The following KALRN variants were observed in gnomAD, a reference collection of about 807,000 sequenced individuals.
KALRN encodes kalirin RhoGEF kinase, also known as kalirin.
In KALRN, 70 loss-of-function variants were observed where a neutral mutation model predicts 353.7. That is an observed-to-expected ratio of 0.20 (90% CI 0.16 to 0.24). The LOEUF is 0.24. Among genes scored for constraint, KALRN ranks in the 10% least tolerant of loss-of-function variants. KALRN has a pLI of 1.00. For missense variants in KALRN, 2,791 were observed against 3,756.7 expected (o/e 0.74, Z 6.72); for synonymous variants, 1,391 against 1,434.8 (o/e 0.97, Z 0.69).
chr3:124,624,506 G>A (rs942577624), intron 34 of KALRN, among the ~76,000 whole-genome samples: 2 of 152,198 alleles, frequency 1.3e-5, no homozygotes. Flanking sequence ...GGATAAGGGG[G>A]AGATTACTGT....
At chr3:124,583,603 C>T (rs1244364121) in intron 34 of KALRN, among the ~76,000 whole-genome samples, 1 of 152,102 alleles carries the variant, frequency 6.6e-6, no homozygotes, top group East Asian at 1.9e-4. Context: ...TAAACTTCAC[C>T]TCTGTAACAG....
At chr3:124,187,034 G>A (rs1475537584) in intron 1 of KALRN, among the ~76,000 whole-genome samples, 4 of 152,180 alleles carry the variant, frequency 2.6e-5, no homozygotes. Flanking sequence ...CTTGCTGAAA[G>A]ACACAGTAAT....
At chr3:124,373,455 G>A (rs1246252412) in intron 10 of KALRN, among the ~76,000 whole-genome samples, 1 of 152,198 alleles carries the variant, frequency 6.6e-6, no homozygotes, top group Non-Finnish European at 1.5e-5. Context: ...CTGTAACAAA[G>A]TACCACAATC....
chr3:124,646,539 T>C (rs1328344831), intron 37 of KALRN, among the ~76,000 whole-genome samples: 1 of 151,682 alleles, frequency 6.6e-6, no homozygotes, highest in African/African-American at 2.4e-5. Flanking sequence ...TACAGGCATG[T>C]GCCACCACAT....
intron 54 of KALRN, among the ~76,000 whole-genome samples, chr3:124,697,339 A>G (rs16845650): frequency 0.09 from 13,720 of 152,186 alleles, 987 homozygotes; most frequent in East Asian, 0.32. Flanking sequence ...CCATAAACCT[A>G]CCATCAACAT....
intron 33 of KALRN, chr3:124,518,653 G>A: frequency 1.4e-6 from 2 of 1,449,806 alleles, no homozygotes; most frequent in South Asian, 2.9e-5. Flanking sequence ...CTCACCCTCG[G>A]GGCTCCCTTC....
At chr3:124,248,649 A>G (rs1039043828) in intron 3 of KALRN, among the ~76,000 whole-genome samples, 1 of 152,234 alleles carries the variant, frequency 6.6e-6, no homozygotes, top group African/African-American at 2.4e-5. Flanking sequence ...ATGTGTCCTG[A>G]TGGCCCTGGC....
chr3:124,644,280 C>T (rs1348123047), intron 37 of KALRN, among the ~76,000 whole-genome samples: 1 of 152,166 alleles, frequency 6.6e-6, no homozygotes, highest in Admixed American at 6.5e-5. Flanking sequence ...CACTCAGCAT[C>T]ATGTCCTTCA....
intron 1 of KALRN, among the ~76,000 whole-genome samples, chr3:124,184,716 A>G (rs182162469): frequency 9.8e-4 from 149 of 152,314 alleles, no homozygotes; most frequent in Non-Finnish European, 1.1e-3. Context: ...ATTTACCGCA[A>G]TAGACCAGAG....
rs758537143 is a variant in KALRN, at chr3:124,398,796, G to T, written c.2271G>T (p.Glu757Asp). Reference protein sequence around the residue: ...QQLDDAQVQMEELFHERKIKL... With the variant: ...QQLDDAQVQMDELFHERKIKL... The stretch of plus-strand genomic sequence containing the variant: ...TTGATGATGCCCAGGTGCAGATGGA[G>T]GAGCTGTTCCACGAGCGGAAGATCA... Residue 757 changes from glutamate (E) to aspartate (D), a missense_variant, in exon 13 of 60, where the codon GAG becomes GAT. By Grantham distance (45) the Glu-to-Asp change is conservative. Transcript: ENST00000682506. The T allele has an allele frequency of 5.6e-6, 9 of 1,614,200 alleles. No individual in the cohort carries two copies. In the South Asian group the frequency reaches 9.9e-5, roughly 18 times the overall value.
Position 124,678,314 on chromosome 3 carries a change from G to A in KALRN, c.7317+1G>A. On this transcript the variant is annotated splice_donor_variant, in intron 50 of 59. Coordinates refer to ENST00000682506, the MANE Select transcript of KALRN (RefSeq NM_001388419.1). LOFTEE classifies it high-confidence loss of function. ...TCTGGGCAACAAAGTCTCTGTTAAA[G>A]TGAGTAAGGTATTCCGGAGCTGCGT... 6.2e-7 allele frequency: 1 copy of A among 1,613,540 alleles called. No homozygotes were observed. Among genetic ancestry groups the A allele is most frequent in the Non-Finnish European group, 8.5e-7 (1 of 1,179,638 alleles).
chr3:124,495,982 T>TATATATATATATATAC (rs2063739043), intron 32 of KALRN, among the ~76,000 whole-genome samples: 1 of 45,326 alleles, frequency 2.2e-5, no homozygotes, highest in African/African-American at 1.4e-4. Context: ...TATATATATA[T>TATATATATATATATAC]ATATATATAT....
At chr3:124,675,128 G>T (rs1364653118) in intron 49 of KALRN, 1 of 152,042 alleles carries the variant, frequency 6.6e-6, no homozygotes, top group Middle Eastern at 3.2e-3. Context: ...GTTGTCTGTG[G>T]CAATTCCTCT....
chr3:124,679,404 C>T lies in KALRN; in HGVS notation c.7318-54C>T, dbSNP rs77679707. 5,229 of 1,491,088 alleles carry T rather than the reference C, an allele frequency of 3.5e-3. 133 individuals are homozygous for T. The African/African-American group carries it at 0.058, about 16-fold the overall frequency. The allele number at this position is 1,491,088 out of a possible 1,614,324, so 92.4% of individuals were successfully genotyped here. ...TCTCCTCTCTCTCTAGCAAAAGCTA[C>T]TTGTGTTCTAACTGTGTTCTCTTTC... On this transcript the variant is annotated intron_variant, in intron 50 of 59. Transcript: ENST00000682506.
At chr3:124,094,419 A>G (rs1186084894) in intron 1 of KALRN, among the ~76,000 whole-genome samples, 2 of 152,226 alleles carry the variant, frequency 1.3e-5, no homozygotes, top group Non-Finnish European at 2.9e-5. Context: ...ATTCTATTGG[A>G]GGAGCCACTG....
intron 1 of KALRN, among the ~76,000 whole-genome samples, chr3:124,207,019 G>A (rs2076467072): frequency 6.6e-6 from 1 of 152,174 alleles, no homozygotes; most frequent in Non-Finnish European, 1.5e-5. Context: ...GGGCTAGCTG[G>A]AAGAGGCAAG....
intron 34 of KALRN, among the ~76,000 whole-genome samples, chr3:124,575,083 C>T (rs1219713003): frequency 6.6e-6 from 1 of 152,260 alleles, no homozygotes; most frequent in East Asian, 1.9e-4. Context: ...CTACTAATTG[C>T]CATTCTGAAT....
rs565819921 is a variant in KALRN, at chr3:124,717,440, A to G, written c.8415+55A>G. The G allele has an allele frequency of 9.4e-5, 130 of 1,379,988 alleles. 1 individual carries two copies. The highest frequency in any genetic ancestry group is 1.2e-4 in the Non-Finnish European group (122 of 1,020,176). The allele number at this position is 1,379,988 out of a possible 1,614,324, so 85.5% of individuals were successfully genotyped here. On this transcript the variant is annotated intron_variant, in intron 59 of 59. Coordinates refer to ENST00000682506, the MANE Select transcript of KALRN (RefSeq NM_001388419.1). The stretch of plus-strand genomic sequence containing the variant: ...AGTGGCTCACGCCTGAAATCCCAGC[A>G]CTTTGGGAGGCCAAGGTGGGCGGAT...
Position 124,634,790 on chromosome 3 carries a change from A to G in KALRN, c.5568+837A>G, listed in dbSNP as rs147209951. On this transcript the variant is annotated intron_variant, in intron 36 of 59. Transcript: ENST00000682506. ...GGGTTTTGACTGTATGGCACTTTCC[A>G]TTTGCTTTTTCAAGTGCTGTTTTGT... Among the ~76,000 whole-genome samples the G allele has an allele frequency of 2.2e-3, 331 of 151,230 alleles. 3 individuals carry two copies. Among genetic ancestry groups the G allele is most frequent in the African/African-American group, 7.8e-3 (319 of 41,142 alleles).
Sources: allele counts gnomAD v4.1 joint callset (sites outside exome capture counted in the v4.1 genomes callset), GRCh38; gene constraint gnomAD v4.1.1; transcripts MANE v1.5; gene names NCBI Gene and HGNC (gene_info 2026-07-23, HGNC 2026-07-21).